The following NEK10 variants were observed in gnomAD, a reference collection of about 807,000 sequenced individuals.
NEK10 encodes serine/threonine-protein kinase Nek10.
A neutral mutation model predicts 159.8 loss-of-function variants in NEK10; 122 were observed. That is an observed-to-expected ratio of 0.76 (90% CI 0.66 to 0.89). The LOEUF is 0.89. Ranked by LOEUF, NEK10 falls within the 40% of genes least tolerant of loss-of-function variation. NEK10 has a pLI of 0.00. For missense variants in NEK10, 1,342 were observed against 1,323.1 expected (o/e 1.01, Z -0.22); for synonymous variants, 466 against 457.1 (o/e 1.02, Z -0.25).
chr3:27,119,781 G>C lies in NEK10; in HGVS notation c.3169C>G (p.Leu1057Val). 1 of 1,613,886 alleles carries C rather than the reference G, an allele frequency of 6.2e-7. No homozygotes were observed. The highest frequency in any genetic ancestry group is 8.5e-7 in the Non-Finnish European group (1 of 1,179,784). ...TTACCTGTAGGGTCATTTGGGGACA[G>C]GCTGTTTCCACCGGATGAACGATGT... ...LLHRSSGGNS[L>V]SPNDPTGLPT... The change falls in exon 33 of 36, where the codon CTG becomes GTG. Residue 1057 changes from leucine to valine, a missense_variant. Physicochemically the swap from Leu to Val is conservative, Grantham distance 32 (BLOSUM62 1). Coordinates refer to ENST00000691995, the MANE Select transcript of NEK10 (RefSeq NM_001394966.1).
chr3:27,265,071 G>C (rs2040777148), intron 22 of NEK10, among the ~76,000 whole-genome samples: 1 of 152,152 alleles, frequency 6.6e-6, no homozygotes, highest in African/African-American at 2.4e-5. Context: ...AATAAGAATA[G>C]TTGGGTATTT....
At chr3:27,179,378 T>C (rs1001416130) in intron 26 of NEK10, among the ~76,000 whole-genome samples, 8 of 152,204 alleles carry the variant, frequency 5.3e-5, no homozygotes, top group African/African-American at 1.9e-4. Flanking sequence ...AAAGCACTAT[T>C]ACATATTAAT....
rs545164596 is a variant in NEK10, at chr3:27,302,369, A to G, written c.1029-534T>C. 7.2e-5 allele frequency among the ~76,000 whole-genome samples: 11 copies of G among 152,118 alleles called. No homozygotes were observed. The South Asian group carries it at 2.3e-3, about 32-fold the overall frequency. On this transcript the variant is annotated intron_variant, in intron 12 of 35. Transcript: ENST00000691995. The stretch of plus-strand genomic sequence containing the variant: ...TCTGCATTATATGTAATTTTTTTCA[A>G]GCTTACCCTACATTTTACTATTTCC...
At chr3:27,357,140 A>G (rs1403532129) in intron 1 of NEK10, among the ~76,000 whole-genome samples, 4 of 152,192 alleles carry the variant, frequency 2.6e-5, no homozygotes, top group Admixed American at 2.0e-4. Flanking sequence ...GGAAAATCCA[A>G]TATCAAATGT....
intron 23 of NEK10, among the ~76,000 whole-genome samples, chr3:27,233,407 A>C (rs1953531609): frequency 6.6e-6 from 1 of 151,932 alleles, no homozygotes; most frequent in Non-Finnish European, 1.5e-5. Flanking sequence ...AAAACAATAG[A>C]TGTTGGTGTG....
intron 31 of NEK10, 72 bp from the exon 32 acceptor site, chr3:27,132,062 G>A (rs544929560): frequency 7.7e-6 from 6 of 775,632 alleles, no homozygotes; most frequent in Non-Finnish European, 1.3e-5. Flanking sequence ...AAAAGCATTC[G>A]CTGAGGGCCC....
chr3:27,113,507 C>T (rs1441779116), intron 35 of NEK10, among the ~76,000 whole-genome samples: 1 of 147,914 alleles, frequency 6.8e-6, no homozygotes, highest in Non-Finnish European at 1.5e-5. Flanking sequence ...AAATGTGATT[C>T]ATTTTAATTT....
At chr3:27,160,044 T>C (rs1186362316) in intron 30 of NEK10, among the ~76,000 whole-genome samples, 2 of 152,074 alleles carry the variant, frequency 1.3e-5, no homozygotes, top group African/African-American at 4.8e-5. Flanking sequence ...TTCCAACATG[T>C]TCCTTTCTAT....
chr3:27,187,174 A>T (rs1281887756), intron 26 of NEK10, among the ~76,000 whole-genome samples: 1 of 152,198 alleles, frequency 6.6e-6, no homozygotes, highest in Non-Finnish European at 1.5e-5. Flanking sequence ...CACAGGGTTC[A>T]TGTCATCTAA....
In NEK10 at chr3:27,170,511, C is replaced by G. The variant is rs556855498; in HGVS notation, c.2831+1308G>C. ...CTTTGGGAGGCTAAGGTGGGTGGAT[C>G]TCCAGAGGTCAGGAGTTCGATACCA... On this transcript the variant is annotated intron_variant, in intron 29 of 35. Transcript: ENST00000691995. Among the ~76,000 whole-genome samples, 3 of 152,290 alleles carry G rather than the reference C, an allele frequency of 2.0e-5. No individual in the cohort carries two copies. In the South Asian group the frequency reaches 6.2e-4, roughly 32 times the overall value.
intron 22 of NEK10, among the ~76,000 whole-genome samples, chr3:27,267,936 AAGTGCTACTC>A (rs1348038724): frequency 3.3e-5 from 5 of 152,240 alleles, no homozygotes; most frequent in Non-Finnish European, 7.3e-5. Flanking sequence ...AGGAAATTAA[AAGTGCTACTC>A]AGTGGAGTGG....
At chr3:27,184,047 C>T (rs1315697645) in intron 26 of NEK10, among the ~76,000 whole-genome samples, 1 of 152,146 alleles carries the variant, frequency 6.6e-6, no homozygotes, top group Non-Finnish European at 1.5e-5. Flanking sequence ...GTTAAACATA[C>T]AACTACCTAT....
In NEK10 at chr3:27,110,142, T is replaced by C. The variant is rs1939369798; in HGVS notation, c.*1130A>G. On this transcript the variant is annotated 3_prime_UTR_variant, in exon 36 of 36. Transcript: ENST00000691995. Reference sequence around the variant, plus strand: ...AGATTACTAATTATGTAGAATAAATTGCTCTTTAGGTAGCTAGAAGTGTAG... The same window carrying C: ...AGATTACTAATTATGTAGAATAAATCGCTCTTTAGGTAGCTAGAAGTGTAG... The C allele has an allele frequency of 6.6e-6, 1 of 152,180 alleles. No homozygotes were observed. Among genetic ancestry groups the C allele is most frequent in the Non-Finnish European group, 1.5e-5 (1 of 68,034 alleles). 9.4% of individuals were successfully genotyped at this position (152,180 alleles called of 1,614,324 possible).
At chr3:27,269,514 A>C (rs1489722224) in intron 22 of NEK10, among the ~76,000 whole-genome samples, 9 of 152,220 alleles carry the variant, frequency 5.9e-5, no homozygotes, top group African/African-American at 2.2e-4. Flanking sequence ...GATTGTTAGC[A>C]CTTTTTAGCA....
chr3:27,295,350 A>T (rs11129281), intron 15 of NEK10, among the ~76,000 whole-genome samples: 3,208 of 152,202 alleles, frequency 0.021, 44 homozygotes, highest in Middle Eastern at 0.041. Context: ...ATATTTTTTT[A>T]AAAAAATAGA....
intron 23 of NEK10, among the ~76,000 whole-genome samples, chr3:27,218,294 G>A (rs917836918): frequency 6.6e-6 from 1 of 152,190 alleles, no homozygotes; most frequent in Non-Finnish European, 1.5e-5. Flanking sequence ...ACTGTGGAAA[G>A]TGAAATCATG....
chr3:27,156,976 A>G (rs1342547633), intron 30 of NEK10, among the ~76,000 whole-genome samples: 2 of 109,678 alleles, frequency 1.8e-5, no homozygotes, highest in African/African-American at 3.5e-5. Flanking sequence ...ATATATATAT[A>G]TATGATGAAA....
chr3:27,265,040 A>C (rs968528940), intron 22 of NEK10, among the ~76,000 whole-genome samples: 118 of 152,332 alleles, frequency 7.7e-4, no homozygotes, highest in African/African-American at 2.3e-3. Context: ...AGCAAAATTC[A>C]ACATCTATTC....
At chr3:27,199,218 C>A (rs1949829815) in intron 25 of NEK10, among the ~76,000 whole-genome samples, 1 of 152,016 alleles carries the variant, frequency 6.6e-6, no homozygotes, top group Non-Finnish European at 1.5e-5. Context: ...ATGCACCTGA[C>A]AAAGGTCTAA....
Sources: allele counts gnomAD v4.1 joint callset (sites outside exome capture counted in the v4.1 genomes callset), GRCh38; gene constraint gnomAD v4.1.1; transcripts MANE v1.5; gene names NCBI Gene and HGNC (gene_info 2026-07-23, HGNC 2026-07-21).